DGKD: variants seen among roughly 807,000 people sequenced by gnomAD.
DGKD encodes DAG kinase delta.
DGKD carries 68 observed loss-of-function variants against 154.4 expected under a neutral mutation model. That is an observed-to-expected ratio of 0.44 (90% CI 0.36 to 0.54). DGKD has a LOEUF of 0.54. Ranked by LOEUF, DGKD falls within the 20% of genes least tolerant of loss-of-function variation. The pLI is 0.00. For synonymous variants in DGKD, 693 were observed against 638.0 expected (o/e 1.09, Z -1.30); for missense variants, 1,343 against 1,593.6 (o/e 0.84, Z 2.68).
At chr2:233,427,620 G>A (rs2062357028) in intron 3 of DGKD, among the ~76,000 whole-genome samples, 1 of 152,084 alleles carries the variant, frequency 6.6e-6, no homozygotes, top group Non-Finnish European at 1.5e-5. Context: ...GAGATTATAG[G>A]CGTAAGCCAC....
chr2:233,357,563 G>GGA (rs1701585681), intron 1 of DGKD, among the ~76,000 whole-genome samples: 1 of 144,126 alleles, frequency 6.9e-6, no homozygotes, highest in South Asian at 2.2e-4. Flanking sequence ...TTTGAGACAA[G>GGA]GTCTCACTTT....
chr2:233,451,859 A>C, intron 17 of DGKD, 105 bp from the exon 18 acceptor site: 1 of 923,592 alleles, frequency 1.1e-6, no homozygotes, highest in East Asian at 2.6e-5. Context: ...ATTTAATTAT[A>C]ATAACGTTCT....
chr2:233,381,104 G>C (rs1393658908), intron 1 of DGKD, among the ~76,000 whole-genome samples: 1 of 152,206 alleles, frequency 6.6e-6, no homozygotes, highest in Non-Finnish European at 1.5e-5. Flanking sequence ...CAGACTCAGG[G>C]CCTGGCTCTG....
At chr2:233,402,459 C>T (rs1326960894) in intron 3 of DGKD, among the ~76,000 whole-genome samples, 1 of 152,184 alleles carries the variant, frequency 6.6e-6, no homozygotes, top group Non-Finnish European at 1.5e-5. Flanking sequence ...CCCCAGTGCT[C>T]TGCCCTTTGG....
At chr2:233,402,890 G>C (rs753245913) in intron 3 of DGKD, among the ~76,000 whole-genome samples, 2 of 152,192 alleles carry the variant, frequency 1.3e-5, no homozygotes, top group South Asian at 4.1e-4. Context: ...GGTGTACGGG[G>C]TAGGTAAGTG....
In DGKD at chr2:233,448,333, G is replaced by T; in HGVS notation, c.1572G>T (p.Lys524Asn). The T allele has an allele frequency of 6.2e-7, 1 of 1,614,132 alleles. No homozygotes were observed. Among genetic ancestry groups the T allele is most frequent in the Non-Finnish European group, 8.5e-7 (1 of 1,180,024 alleles). The change falls in exon 14 of 30, where the codon AAG (lysine) becomes AAT (asparagine). Residue 524 changes from lysine to asparagine, a missense_variant. Physicochemically the swap from Lys to Asn is moderately conservative, Grantham distance 94 (BLOSUM62 0). This residue lies in a region of DGKD where 409 missense variants were observed against 446.0 expected (regional missense o/e 0.92). Transcript: ENST00000264057. ...CACGGGTGGGGAAGGCCTATGAGAA[G>T]ACGACCGAGAGCTCGGAGGAGTCAG... is the stretch of plus-strand genomic sequence containing the variant. ...FVARVGKAYE[K>N]TTESSEESEV...
Position 233,365,691 on chromosome 2 carries a change from T to G in DGKD, c.156+11017T>G, listed in dbSNP as rs1380347580. 5.9e-5 allele frequency among the ~76,000 whole-genome samples: 9 copies of G among 152,126 alleles called. No individual in the cohort carries two copies. The East Asian group carries it at 1.7e-3, about 29-fold the overall frequency. The stretch of plus-strand genomic sequence containing the variant: ...CAAGTCTCAACAGCTTTCAAAAGAG[T>G]TGAAATTATAGAGTATGTTCTGACA... On this transcript the variant is annotated intron_variant, in intron 1 of 29. Transcript: ENST00000264057.
intron 17 of DGKD, 115 bp downstream of exon 17, chr2:233,451,165 T>C (rs1193804647): frequency 9.8e-6 from 11 of 1,122,258 alleles, no homozygotes; most frequent in African/African-American, 7.9e-5. Context: ...CTGAGAAAGA[T>C]AGGTGGAATT....
chr2:233,445,579 G>GC lies in DGKD; in HGVS notation c.1195-39dup. 1 of 1,548,414 alleles carries GC rather than the reference G, an allele frequency of 6.5e-7. No individual in the cohort carries two copies. Among genetic ancestry groups the GC allele is most frequent in the Non-Finnish European group, 8.7e-7 (1 of 1,145,452 alleles). On this transcript the variant is annotated intron_variant, in intron 10 of 29. Transcript: ENST00000264057. The surrounding 1 kb of genome is among the most constrained non-coding windows in gnomAD (Gnocchi z 5.5). ...GGCTGCGGGCTGGGAAGTGGCCCCT[G>GC]CCCCCAGGTGTTTGCCTGCGCATCG...
At chr2:233,468,242 A>C (rs2063890539) in intron 28 of DGKD, among the ~76,000 whole-genome samples, 181 bp from the exon 29 acceptor site, 2 of 126,968 alleles carry the variant, frequency 1.6e-5, no homozygotes, top group South Asian at 5.4e-4. Context: ...CTGCTGGGCT[A>C]TCTCGGGTGC....
chr2:233,398,063 A>G (rs1575042182), intron 3 of DGKD, among the ~76,000 whole-genome samples: 1 of 137,042 alleles, frequency 7.3e-6, no homozygotes, highest in Admixed American at 7.3e-5. Context: ...TTTACTTGCA[A>G]CCTCCCCTCC....
chr2:233,388,686 G>T, intron 2 of DGKD: 1 of 186,004 alleles, frequency 5.4e-6, no homozygotes, highest in Non-Finnish European at 1.1e-5. Flanking sequence ...ACGGGGCTAT[G>T]AATTTCATCT....
intron 11 of DGKD, among the ~76,000 whole-genome samples, chr2:233,446,058 A>G (rs1360818617): frequency 6.6e-6 from 1 of 152,200 alleles, no homozygotes; most frequent in Non-Finnish European, 1.5e-5. Context: ...TGGCTGCTTC[A>G]GCCCGAGATC....
Position 233,410,195 on chromosome 2 carries a change from T to C in DGKD, c.348+19712T>C, listed in dbSNP as rs1306218516. On this transcript the variant is annotated intron_variant, in intron 3 of 29. Transcript: ENST00000264057. Reference sequence around the variant, plus strand: ...GGGTGGGTCAAGATAATTAGATGTTTGGAAAATAGTTAAGAGGGGGATTGG... The same window carrying C: ...GGGTGGGTCAAGATAATTAGATGTTCGGAAAATAGTTAAGAGGGGGATTGG... Among the ~76,000 whole-genome samples, 11 of 152,142 alleles carry C rather than the reference T, an allele frequency of 7.2e-5. No individual in the cohort carries two copies. In the East Asian group the frequency reaches 9.6e-4, roughly 13 times the overall value.
chr2:233,460,448 T>G, intron 24 of DGKD, 103 bp downstream of exon 24: 1 of 1,451,532 alleles, frequency 6.9e-7, no homozygotes, highest in African/African-American at 1.4e-5. Flanking sequence ...TCCTGACTTT[T>G]GTGGGGTCTG....
At chr2:233,371,298 A>G (rs1039059305) in intron 1 of DGKD, among the ~76,000 whole-genome samples, 7 of 152,150 alleles carry the variant, frequency 4.6e-5, no homozygotes, top group African/African-American at 1.4e-4. Flanking sequence ...ATGACTAACA[A>G]TGTTGAGCAT....
rs113629894 is a variant in DGKD at position 233,398,147 on chromosome 2, AT to A, written c.348+7677del. On this transcript the variant is annotated intron_variant, in intron 3 of 29. Transcript: ENST00000264057. ...GGCTTATTCTTGTTTGAAAGGTAAA[AT>A]TTTTTTTTTTTTGAGATGGAGTCTC... is the stretch of plus-strand genomic sequence containing the variant. Among the ~76,000 whole-genome samples the A allele has an allele frequency of 9.8e-4, 117 of 119,422 alleles. 1 individual carries two copies. Among genetic ancestry groups the A allele is most frequent in the Admixed American group, 1.0e-3 (10 of 9,696 alleles). 78.3% of individuals were successfully genotyped at this position (119,422 alleles called of 152,430 possible). A position where few individuals can be genotyped will look rare whatever the true frequency, so the allele number is the denominator to read the frequency against.
chr2:233,362,890 T>C (rs1276089876), intron 1 of DGKD, among the ~76,000 whole-genome samples: 1 of 152,308 alleles, frequency 6.6e-6, no homozygotes. Flanking sequence ...GTAGCTGTTA[T>C]AATGTTGTAG....
intron 1 of DGKD, among the ~76,000 whole-genome samples, chr2:233,357,465 T>C (rs1228023643): frequency 1.3e-5 from 2 of 152,040 alleles, no homozygotes; most frequent in Non-Finnish European, 2.9e-5. Context: ...CCTGTTAAAA[T>C]GATGATTATG....
Sources: allele counts gnomAD v4.1 joint callset (sites outside exome capture counted in the v4.1 genomes callset), GRCh38; gene constraint gnomAD v4.1.1; regional missense constraint gnomAD v4.1.1; non-coding constraint Gnocchi (gnomAD v3.1); transcripts MANE v1.5; gene names NCBI Gene and HGNC (gene_info 2026-07-23, HGNC 2026-07-21).